Variants in UBE2W observed in about 807,000 individuals in gnomAD.
UBE2W encodes the protein ubiquitin-conjugating enzyme E2 W.
A neutral mutation model predicts 27.2 loss-of-function variants in UBE2W; 18 were observed. The observed-to-expected ratio is 0.66, with a 90% CI of 0.46 to 0.98. The LOEUF is 0.98. UBE2W is among the 50% of genes least tolerant of loss of function. The pLI, the probability that UBE2W is intolerant of heterozygous loss-of-function variation, is 0.00. For missense variants in UBE2W, 90 were observed against 180.2 expected, an observed-to-expected ratio of 0.50 and a Z score of 2.87; for synonymous variants, 53 against 57.2, an observed-to-expected ratio of 0.93 and a Z score of 0.33.
rs1354268082 is a variant in UBE2W, at chr8:73,790,949, G to A, written c.*3153C>T. The stretch of plus-strand genomic sequence containing the variant: ...TATTTGCATATATTTAAAATTTCAT[G>A]AGGGAAAAGGTAATAAACTATTCTA... On this transcript the variant is annotated 3_prime_UTR_variant, in exon 6 of 6. Coordinates refer to ENST00000602593, the MANE Select transcript of UBE2W (RefSeq NM_018299.6). 2.0e-6 allele frequency: 2 copies of A among 980,316 alleles called. No individual in the cohort carries two copies. Among genetic ancestry groups the A allele is most frequent in the Non-Finnish European group, 2.4e-6 (2 of 825,486 alleles). 60.7% of individuals were successfully genotyped at this position (980,316 alleles called of 1,614,324 possible). A position where few individuals can be genotyped will look rare whatever the true frequency, so the allele number is the denominator to read the frequency against.
chr8:73,851,966 A>T (rs1312380969), intron 1 of UBE2W, among the ~76,000 whole-genome samples: 18 of 136,964 alleles, frequency 1.3e-4, no homozygotes, highest in African/African-American at 6.1e-4. Flanking sequence ...TTTTTTTTAA[A>T]AAAAAAAAAA....
At chr8:73,848,878 C>T (rs190492622) in intron 1 of UBE2W, among the ~76,000 whole-genome samples, 110 of 152,204 alleles carry the variant, frequency 7.2e-4, no homozygotes, top group Non-Finnish European at 1.8e-4. Flanking sequence ...GTGCATTTTC[C>T]TGTTTGTTGT....
chr8:73,867,275 G>A (rs940638896), intron 1 of UBE2W, among the ~76,000 whole-genome samples: 3 of 152,068 alleles, frequency 2.0e-5, no homozygotes, highest in Admixed American at 1.3e-4. Flanking sequence ...AGTGGCTCAC[G>A]CCTGTAATCC....
At chr8:73,848,405 A>G (rs780504657) in intron 1 of UBE2W, among the ~76,000 whole-genome samples, 1 of 152,134 alleles carries the variant, frequency 6.6e-6, no homozygotes, top group African/African-American at 2.4e-5. Context: ...TCAGAATGTA[A>G]GCTGGGCATG....
At chr8:73,867,083 A>G (rs1000644765) in intron 1 of UBE2W, among the ~76,000 whole-genome samples, 1 of 152,136 alleles carries the variant, frequency 6.6e-6, no homozygotes, top group African/African-American at 2.4e-5. Context: ...ATATATAAAG[A>G]ATTCTTATAA....
At chr8:73,859,386 ATCCCAGCTAC>A (rs1221319380) in intron 1 of UBE2W, among the ~76,000 whole-genome samples, 1 of 152,146 alleles carries the variant, frequency 6.6e-6, no homozygotes, top group African/African-American at 2.4e-5. Context: ...CGAGCCTGTA[ATCCCAGCTAC>A]TGGGGAGGCT....
Position 73,791,866 on chromosome 8 carries a change from T to C in UBE2W, c.*2236A>G, listed in dbSNP as rs1808216156. On this transcript the variant is annotated 3_prime_UTR_variant, in exon 6 of 6. Transcript: ENST00000602593. ...TAGTTTACTTTATGGTATTTATATG[T>C]AGAGAGAGAGGTATGTTAAAATATT... 1.0e-6 allele frequency: 1 copy of C among 984,494 alleles called. No homozygotes were observed. Among genetic ancestry groups the C allele is most frequent in the Non-Finnish European group, 1.2e-6 (1 of 829,212 alleles). The allele number at this position is 984,494 out of a possible 1,614,324, so 61.0% of individuals were successfully genotyped here.
chr8:73,830,476 GA>G lies in UBE2W; in HGVS notation c.16-5del. On this transcript the variant is annotated splice_polypyrimidine_tract_variant and splice_region_variant and intron_variant, in intron 1 of 5. Transcript: ENST00000602593. ...ACAGTTCTTTCTGTAGTCGTTTCTA[GA>G]AAAGAACATCAATAATAATTTGTCC... 1 of 1,611,596 alleles carries G rather than the reference GA, an allele frequency of 6.2e-7. No homozygotes were observed. The highest frequency in any genetic ancestry group is 1.3e-5 in the African/African-American group (1 of 74,956).
chr8:73,792,927 T>C lies in UBE2W; in HGVS notation c.*1175A>G. ...CATTTGATAGTGACTTTTGCCTAAA[T>C]TTTAAAATAAAAATGTCCACACTCT... is the stretch of plus-strand genomic sequence containing the variant. On this transcript the variant is annotated 3_prime_UTR_variant, in exon 6 of 6. Transcript: ENST00000602593. The C allele has an allele frequency of 1.0e-6, 1 of 985,724 alleles. No homozygotes were observed. The highest frequency in any genetic ancestry group is 1.2e-6 in the Non-Finnish European group (1 of 829,856). 61.1% of individuals were successfully genotyped at this position (985,724 alleles called of 1,614,324 possible).
intron 5 of UBE2W, among the ~76,000 whole-genome samples, chr8:73,799,831 G>GA (rs1415233037): frequency 1.3e-5 from 2 of 152,226 alleles, no homozygotes; most frequent in Admixed American, 1.3e-4. Context: ...GTCACATAAG[G>GA]AAACTGGCCT....
intron 4 of UBE2W, 33 bp downstream of exon 4, chr8:73,810,441 G>T (rs561396224): frequency 1.3e-6 from 2 of 1,579,478 alleles, no homozygotes; most frequent in Admixed American, 1.8e-5. Context: ...TGAAAGAAGA[G>T]ATATTATCTG....
intron 5 of UBE2W, among the ~76,000 whole-genome samples, chr8:73,804,218 G>A (rs755620197): frequency 5.9e-5 from 9 of 151,270 alleles, no homozygotes; most frequent in South Asian, 2.1e-4. Context: ...TAGAAGATAC[G>A]GGGAGAAGGT....
At chr8:73,868,336 C>A (rs984292060) in intron 1 of UBE2W, among the ~76,000 whole-genome samples, 2 of 152,160 alleles carry the variant, frequency 1.3e-5, no homozygotes, top group African/African-American at 4.8e-5. Flanking sequence ...AAGAACATAG[C>A]CACATACCCC....
chr8:73,876,565 C>T (rs1438438886), intron 1 of UBE2W, among the ~76,000 whole-genome samples: 3 of 152,082 alleles, frequency 2.0e-5, no homozygotes, highest in Non-Finnish European at 2.9e-5. Flanking sequence ...TTCGATGGAA[C>T]AAGGTGAAGG....
chr8:73,785,259 C>T (rs1807916271), downstream of UBE2W, among the ~76,000 whole-genome samples: 2 of 152,042 alleles, frequency 1.3e-5, no homozygotes, highest in African/African-American at 2.4e-5. Flanking sequence ...AATTCTTGTG[C>T]CTCAGCCTCC....
chr8:73,799,095 C>T (rs1191448295), intron 5 of UBE2W, among the ~76,000 whole-genome samples: 4 of 152,056 alleles, frequency 2.6e-5, no homozygotes, highest in South Asian at 2.1e-4. Flanking sequence ...CTGGAAAACA[C>T]ATTGATAGTC....
intron 1 of UBE2W, among the ~76,000 whole-genome samples, chr8:73,871,400 C>T (rs1294785608): frequency 6.6e-6 from 1 of 152,110 alleles, no homozygotes; most frequent in African/African-American, 2.4e-5. Context: ...ATCTGCTAAT[C>T]TGTTTTTGTC....
chr8:73,863,951 CAA>C (rs11410266), intron 1 of UBE2W, among the ~76,000 whole-genome samples: 9 of 119,596 alleles, frequency 7.5e-5, no homozygotes, highest in Admixed American at 8.4e-5. Flanking sequence ...AAAAACAAAC[CAA>C]AAAAAAAAAA....
exon 5 of UBE2W, chr8:73,780,483 A>G (rs1807821834): frequency 4.4e-6 from 2 of 452,846 alleles, no homozygotes; most frequent in African/African-American, 2.0e-5. Context: ...ACATGATTCA[A>G]TCCGTAATAG....
Sources: gnomAD v4.1 joint callset for allele counts (sites outside exome capture counted in the v4.1 genomes callset) on GRCh38, gnomAD v4.1.1 for gene constraint, MANE v1.5 for transcripts, NCBI Gene and HGNC (gene_info 2026-07-23, HGNC 2026-07-21) for gene names.